The following PABPC1L variants were observed in gnomAD, a reference collection of about 807,000 sequenced individuals.
PABPC1L encodes poly(A) binding protein cytoplasmic 1 like.
Under a neutral mutation model 66.6 loss-of-function variants are expected in PABPC1L, and 31 were observed. The ratio of observed to expected loss-of-function variants is 0.47; its 90% confidence interval spans 0.35 to 0.63. PABPC1L has a LOEUF of 0.63. Among genes scored for constraint, PABPC1L ranks in the 20% least tolerant of loss-of-function variants. The pLI, the probability that PABPC1L is intolerant of heterozygous loss-of-function variation, is 0.00. For synonymous variants in PABPC1L, 348 were observed against 335.1 expected (o/e 1.04, Z -0.42); for missense variants, 722 against 848.8 (o/e 0.85, Z 1.86).
chr20:44,910,127 C>G lies in PABPC1L; in HGVS notation c.-17C>G, dbSNP rs1322475751. 4 of 1,545,298 alleles carry G rather than the reference C, an allele frequency of 2.6e-6. No individual in the cohort carries two copies. Among genetic ancestry groups the G allele is most frequent in the Non-Finnish European group, 3.5e-6 (4 of 1,144,036 alleles). The stretch of plus-strand genomic sequence containing the variant: ...CCCGGCTCCTGCTTGCCCCGCAGCC[C>G]CGGCCCCCTGCCCACCATGAACGCC... On this transcript the variant is annotated 5_prime_UTR_variant, in exon 1 of 15. Coordinates refer to ENST00000217073, the MANE Select transcript of PABPC1L (RefSeq NM_001372179.1).
At position 44,938,146 on chromosome 20, in the gene PABPC1L, A is replaced by G. The variant is rs11780; in HGVS notation, c.1746A>G (p.Ser582=). The G allele has an allele frequency of 0.39, 627,358 of 1,613,692 alleles. 125,021 individuals are homozygous for G. Among genetic ancestry groups the G allele is most frequent in the African/African-American group, 0.62 (46,638 of 74,936 alleles). ...ITGMLLEIDN[S]ELLLMLESPE... is the part of the protein sequence containing the mutation. ...GCATGCTGCTGGAGATTGACAACTC[A>G]GAGCTGTTGCTCATGCTGGAGTCTC... The change falls in exon 13 of 15, where the codon TCA becomes TCG. Residue 582 remains serine, a synonymous_variant. Transcript: ENST00000217073.
In PABPC1L at chr20:44,932,388, C is replaced by T. The variant is rs777155025; in HGVS notation, c.1286C>T (p.Thr429Ile). 5.0e-6 allele frequency: 8 copies of T among 1,613,728 alleles called. No homozygotes were observed. The highest frequency in any genetic ancestry group is 6.8e-6 in the Non-Finnish European group (8 of 1,179,852). ...TATGGCTGTGGCCCAGTGACACCCA[C>T]CCAGCCTGCCCCCAGGTGGACATCC... ...AYYGCGPVTPTQPAPRWTSQP... is the reference protein window; with the variant it reads ...AYYGCGPVTPIQPAPRWTSQP... The change falls in exon 9 of 15, where the codon ACC becomes ATC. Residue 429 changes from threonine (T) to isoleucine (I), a missense_variant. Coordinates refer to ENST00000217073, the MANE Select transcript of PABPC1L (RefSeq NM_001372179.1).
At chr20:44,913,325 G>T (rs2066717213) in intron 2 of PABPC1L, among the ~76,000 whole-genome samples, 2 of 152,076 alleles carry the variant, frequency 1.3e-5, no homozygotes, top group African/African-American at 4.8e-5. Context: ...TATTCTCATG[G>T]CAATGGCAGG....
intron 5 of PABPC1L, among the ~76,000 whole-genome samples, 164 bp from the exon 6 acceptor site, chr20:44,921,430 G>T (rs1258757294): frequency 6.6e-6 from 1 of 152,218 alleles, no homozygotes; most frequent in Non-Finnish European, 1.5e-5. Flanking sequence ...TTACAGGCAT[G>T]AGCCAAAGTG....
At chr20:44,930,752 C>T (rs368672436) in intron 8 of PABPC1L, 26 bp downstream of exon 8, 956 of 1,603,762 alleles carry the variant, frequency 6.0e-4, no homozygotes, top group Non-Finnish European at 7.5e-4. Flanking sequence ...CAACTCCCAC[C>T]GCAGCCTTCC....
chr20:44,913,258 G>A (rs138936699), intron 2 of PABPC1L, among the ~76,000 whole-genome samples: 108 of 152,266 alleles, frequency 7.1e-4, no homozygotes, highest in Middle Eastern at 3.4e-3. Context: ...GAACATCTTG[G>A]CTTTCCTCCC....
In PABPC1L at chr20:44,912,747, G is replaced by A. The variant is rs1293420966; in HGVS notation, c.281G>A (p.Arg94His). 6.2e-7 allele frequency: 1 copy of A among 1,614,108 alleles called. No homozygotes were observed. Among genetic ancestry groups the A allele is most frequent in the Non-Finnish European group, 8.5e-7 (1 of 1,179,990 alleles). ...IMWSQRDPGL[R>H]KSGVGNIFIK... ...TGGTCCCAGCGAGACCCAGGACTTC[G>A]CAAGTCAGGTGTGGGCAACATCTTC... The change falls in exon 2 of 15, where the codon CGC (arginine) becomes CAC (histidine). Residue 94 changes from arginine to histidine, a missense_variant. Physicochemically the swap from Arg to His is conservative, Grantham distance 29 (BLOSUM62 0). This residue lies in a region of PABPC1L where 284 missense variants were observed against 294.8 expected (regional missense o/e 0.96). Coordinates refer to ENST00000217073, the MANE Select transcript of PABPC1L (RefSeq NM_001372179.1).
rs2066894853 is a variant in PABPC1L at position 44,935,500 on chromosome 20, A to G, written c.1566+3A>G. On this transcript the variant is annotated splice_donor_region_variant and intron_variant, in intron 11 of 14. Coordinates refer to ENST00000217073, the MANE Select transcript of PABPC1L (RefSeq NM_001372179.1). Reference sequence around the variant, plus strand: ...CAGCAGCACATAGCACCTATCGGGTAAGGCCAGCCCAGCTGCCTGCTCTTA... The same window carrying G: ...CAGCAGCACATAGCACCTATCGGGTGAGGCCAGCCCAGCTGCCTGCTCTTA... The G allele has an allele frequency of 6.2e-7, 1 of 1,613,664 alleles. No homozygotes were observed. The highest frequency in any genetic ancestry group is 8.5e-7 in the Non-Finnish European group (1 of 1,179,820).
rs2072727 is a variant in PABPC1L at position 44,910,092 on chromosome 20, T to A, written c.-52T>A. Reference sequence around the variant, plus strand: ...GCTTCCGCCCGGGTGAGCGCGGGGCTGCTGGGTGACCCGGCTCCTGCTTGC... The same window carrying A: ...GCTTCCGCCCGGGTGAGCGCGGGGCAGCTGGGTGACCCGGCTCCTGCTTGC... On this transcript the variant is annotated 5_prime_UTR_variant, in exon 1 of 15. Transcript: ENST00000217073. 22 of 1,472,044 alleles carry A rather than the reference T, an allele frequency of 1.5e-5. No homozygotes were observed. The East Asian group carries it at 5.2e-4, about 35-fold the overall frequency. The allele number at this position is 1,472,044 out of a possible 1,614,324, so 91.2% of individuals were successfully genotyped here.
intron 3 of PABPC1L, among the ~76,000 whole-genome samples, chr20:44,917,582 T>G (rs2066745961): frequency 6.6e-6 from 1 of 152,186 alleles, no homozygotes; most frequent in Non-Finnish European, 1.5e-5. Context: ...GCCCTCATCA[T>G]ACTGTTAACT....
At chr20:44,916,101 C>G (rs1007631873) in intron 2 of PABPC1L, among the ~76,000 whole-genome samples, 8 of 152,104 alleles carry the variant, frequency 5.3e-5, no homozygotes, top group Non-Finnish European at 1.2e-4. Context: ...GAGGCTCCCC[C>G]TTGATGAATA....
At chr20:44,924,639 G>T (rs1424913439) in intron 7 of PABPC1L, among the ~76,000 whole-genome samples, 1 of 152,222 alleles carries the variant, frequency 6.6e-6, no homozygotes, top group East Asian at 1.9e-4. Flanking sequence ...AAAGTGAGAG[G>T]GCTGGACTTC....
intron 1 of PABPC1L, 26 bp from the exon 2 acceptor site, chr20:44,912,634 A>G (rs945204791): frequency 6.4e-7 from 1 of 1,571,694 alleles, no homozygotes; most frequent in Non-Finnish European, 8.7e-7. Context: ...AAACTTGCTA[A>G]TTTCTCTCCT....
At chr20:44,914,204 C>CTGT (rs1555798195) in intron 2 of PABPC1L, among the ~76,000 whole-genome samples, 10 of 114,370 alleles carry the variant, frequency 8.7e-5, no homozygotes, top group Non-Finnish European at 1.7e-4. Context: ...TGTGTCAGAA[C>CTGT]TTTTTTTTTT....
chr20:44,916,245 G>A (rs1005516885), intron 2 of PABPC1L, among the ~76,000 whole-genome samples: 4 of 152,074 alleles, frequency 2.6e-5, no homozygotes, highest in East Asian at 1.9e-4. Context: ...TGTTCATTTC[G>A]TTCTCCCTCT....
At chr20:44,913,778 AGGATGAAG>A (rs1259589118) in intron 2 of PABPC1L, among the ~76,000 whole-genome samples, 1 of 152,206 alleles carries the variant, frequency 6.6e-6, no homozygotes, top group African/African-American at 2.4e-5. Flanking sequence ...TAGAAATTAT[AGGATGAAG>A]GGTGTGGCTA....
chr20:44,937,416 T>A (rs1212803055), intron 12 of PABPC1L, among the ~76,000 whole-genome samples: 2 of 140,260 alleles, frequency 1.4e-5, no homozygotes, highest in African/African-American at 5.4e-5. Flanking sequence ...CACCCCGAAA[T>A]TTTTTTTTTT....
intron 5 of PABPC1L, among the ~76,000 whole-genome samples, chr20:44,920,153 A>G (rs1216023444): frequency 6.6e-6 from 1 of 152,184 alleles, no homozygotes; most frequent in South Asian, 2.1e-4. Context: ...ACTTTGACAC[A>G]TCATTAACAC....
rs187958616 is a variant in PABPC1L at position 44,932,980 on chromosome 20, C to T, written c.1331-77C>T. 49 of 957,362 alleles carry T rather than the reference C, an allele frequency of 5.1e-5. No individual in the cohort carries two copies. In the East Asian group the frequency reaches 1.2e-3, roughly 24 times the overall value. 59.3% of individuals were successfully genotyped at this position (957,362 alleles called of 1,614,324 possible). A position where few individuals can be genotyped will look rare whatever the true frequency, so the allele number is the denominator to read the frequency against. ...ATTCTCTTGGTGGCCCTGGAAGCTTCTAGGCACAGTGTGCCACCCTGATTA... is the reference window on the plus strand; with the variant it reads ...ATTCTCTTGGTGGCCCTGGAAGCTTTTAGGCACAGTGTGCCACCCTGATTA... On this transcript the variant is annotated intron_variant, in intron 9 of 14. Coordinates refer to ENST00000217073, the MANE Select transcript of PABPC1L (RefSeq NM_001372179.1).
Sources: allele counts gnomAD v4.1 joint callset (sites outside exome capture counted in the v4.1 genomes callset), GRCh38; gene constraint gnomAD v4.1.1; regional missense constraint gnomAD v4.1.1; transcripts MANE v1.5; gene names NCBI Gene and HGNC (gene_info 2026-07-23, HGNC 2026-07-21).